The following CHST9 variants were observed in gnomAD, a reference collection of about 807,000 sequenced individuals.
CHST9 encodes carbohydrate sulfotransferase 9, also known as GalNAc-4-sulfotransferase 2.
CHST9 carries 41 observed loss-of-function variants against 44.4 expected under a neutral mutation model. The observed-to-expected ratio is 0.92, with a 90% CI of 0.72 to 1.20. CHST9 has a LOEUF of 1.20. CHST9 is among the 50% of genes most tolerant of loss of function. The pLI, the probability that CHST9 is intolerant of heterozygous loss-of-function variation, is 0.00. For missense variants in CHST9, 504 were observed against 516.5 expected (o/e 0.98, Z 0.23); for synonymous variants, 171 against 178.4 (o/e 0.96, Z 0.33).
At chr18:27,028,018 C>T (rs982648503) in intron 3 of CHST9, among the ~76,000 whole-genome samples, 6 of 152,264 alleles carry the variant, frequency 3.9e-5, no homozygotes, top group South Asian at 2.1e-4. Flanking sequence ...TGGGTTCAAG[C>T]GATTCTCCTG....
At chr18:27,159,284 T>G (rs1373072171) in intron 1 of CHST9, among the ~76,000 whole-genome samples, 1 of 152,232 alleles carries the variant, frequency 6.6e-6, no homozygotes, top group Non-Finnish European at 1.5e-5. Flanking sequence ...TTAATTTTTG[T>G]ATAAGGTATA....
At chr18:26,945,256 T>C (rs888256008) in intron 4 of CHST9, among the ~76,000 whole-genome samples, 9 of 152,184 alleles carry the variant, frequency 5.9e-5, no homozygotes, top group African/African-American at 2.2e-4. Flanking sequence ...TTGTAAGAAA[T>C]AATGCAGAGA....
In CHST9 at chr18:26,916,842, T is replaced by C; in HGVS notation, c.749A>G (p.His250Arg). Reference sequence around the variant, plus strand: ...TAGCTTCTTCAAATGCTTCCCGTAGTGGACAGCATTGTGGGAGATGTTGTA... The same window carrying C: ...TAGCTTCTTCAAATGCTTCCCGTAGCGGACAGCATTGTGGGAGATGTTGTA... ...SAYNISHNAV[H>R]YGKHLKKLDS... Residue 250 changes from histidine (H) to arginine (R), a missense_variant, in exon 6 of 6, where the codon CAC (histidine) becomes CGC (arginine). Transcript: ENST00000618847. 6.2e-7 allele frequency: 1 copy of C among 1,613,952 alleles called. No individual in the cohort carries two copies. The highest frequency in any genetic ancestry group is 1.1e-5 in the South Asian group (1 of 91,078).
intron 2 of CHST9, among the ~76,000 whole-genome samples, chr18:27,061,534 CT>C (rs1186028464): frequency 1.3e-5 from 2 of 152,250 alleles, no homozygotes; most frequent in East Asian, 3.9e-4. Flanking sequence ...GCATCCACAC[CT>C]TTCCTAGACC....
chr18:27,060,043 T>C (rs2057703092), intron 2 of CHST9, among the ~76,000 whole-genome samples: 1 of 152,220 alleles, frequency 6.6e-6, no homozygotes, highest in African/African-American at 2.4e-5. Context: ...GTTAATTGTC[T>C]AGTTCATTTT....
intron 2 of CHST9, among the ~76,000 whole-genome samples, chr18:27,119,806 C>A (rs1025471989): frequency 2.0e-5 from 3 of 152,058 alleles, no homozygotes; most frequent in Non-Finnish European, 4.4e-5. Flanking sequence ...TTAAAAGAGT[C>A]TTTTCATTCA....
chr18:27,148,827 C>A (rs1241306169), intron 1 of CHST9, among the ~76,000 whole-genome samples: 1 of 138,232 alleles, frequency 7.2e-6, no homozygotes, highest in African/African-American at 2.6e-5. Context: ...CCTGAGGAAT[C>A]GCCACACTGA....
intron 4 of CHST9, among the ~76,000 whole-genome samples, chr18:26,995,756 A>G (rs1030314249): frequency 2.6e-5 from 4 of 152,218 alleles, no homozygotes; most frequent in African/African-American, 9.6e-5. Flanking sequence ...CTAGGATGAA[A>G]GTTTTCAACA....
At chr18:27,053,269 A>AAGAAGAAGAAGAG (rs1568151239) in intron 2 of CHST9, among the ~76,000 whole-genome samples, 3 of 114,282 alleles carry the variant, frequency 2.6e-5, no homozygotes, top group African/African-American at 1.0e-4. Context: ...AAGGAGAAGG[A>AAGAAGAAGAAGAG]GAAGGAGAAG....
rs573640862 is a variant in CHST9, at chr18:26,992,229, A to G, written c.202+31887T>C. Among the ~76,000 whole-genome samples the G allele has an allele frequency of 1.2e-4, 15 of 127,040 alleles. 2 individuals are homozygous for G. Among genetic ancestry groups the G allele is most frequent in the Non-Finnish European group, 2.3e-4 (13 of 55,692 alleles). 83.3% of individuals were successfully genotyped at this position (127,040 alleles called of 152,430 possible). ...ATGCCTCAGCCCCTCACTCTGAATTAGAAGCGAGTGACATGAAGAACAAAT... is the reference window on the plus strand; with the variant it reads ...ATGCCTCAGCCCCTCACTCTGAATTGGAAGCGAGTGACATGAAGAACAAAT... On this transcript the variant is annotated intron_variant, in intron 4 of 5. Coordinates refer to ENST00000618847, the MANE Select transcript of CHST9 (RefSeq NM_031422.6).
intron 5 of CHST9, chr18:26,936,540 C>A (rs2055996049): frequency 6.6e-6 from 1 of 152,078 alleles, no homozygotes; most frequent in African/African-American, 2.4e-5. Flanking sequence ...TGATGAGTTA[C>A]TCAATACTGA....
intron 2 of CHST9, among the ~76,000 whole-genome samples, chr18:27,111,635 T>A (rs1454135253): frequency 5.3e-5 from 8 of 152,224 alleles, no homozygotes; most frequent in Non-Finnish European, 8.8e-5. Flanking sequence ...TTGCTGTCTG[T>A]GATGATTAAG....
At chr18:27,148,224 C>A (rs1038872253) in intron 1 of CHST9, among the ~76,000 whole-genome samples, 1 of 151,954 alleles carries the variant, frequency 6.6e-6, no homozygotes, top group Non-Finnish European at 1.5e-5. Context: ...CATAGTATTC[C>A]ATGGTATAGA....
intron 2 of CHST9, among the ~76,000 whole-genome samples, chr18:27,093,568 T>A (rs540715992): frequency 1.3e-5 from 2 of 152,192 alleles, no homozygotes; most frequent in African/African-American, 4.8e-5. Flanking sequence ...TGGGAGAGAA[T>A]CACGTTGTCT....
At chr18:26,934,940 GT>G (rs1159950913) in intron 5 of CHST9, 2 of 152,162 alleles carry the variant, frequency 1.3e-5, no homozygotes, top group Non-Finnish European at 2.9e-5. Flanking sequence ...AGTGTTTCAG[GT>G]TTTTAGTTTT....
chr18:27,160,798 G>T (rs576819216), intron 1 of CHST9, among the ~76,000 whole-genome samples: 300 of 152,058 alleles, frequency 2.0e-3, no homozygotes, highest in Middle Eastern at 3.4e-3. Context: ...GCCTGTTATT[G>T]GTCTATTCAG....
At chr18:27,100,319 T>C (rs6508471) in intron 2 of CHST9, among the ~76,000 whole-genome samples, 146,048 of 152,226 alleles carry the variant, frequency 0.96, 70,116 homozygotes, top group East Asian at 1. Context: ...ATGCTCAGTA[T>C]CTGGGTGATG....
chr18:27,042,807 C>G (rs1193390262), intron 3 of CHST9, among the ~76,000 whole-genome samples: 1 of 151,700 alleles, frequency 6.6e-6, no homozygotes, highest in Non-Finnish European at 1.5e-5. Context: ...CCCTCTCTCT[C>G]TCTTTTATAT....
At chr18:26,933,591 A>C (rs2055919948) in intron 5 of CHST9, 1 of 153,766 alleles carries the variant, frequency 6.5e-6, no homozygotes, top group South Asian at 2.1e-4. Flanking sequence ...GATTTTGCTT[A>C]AACACATTTT....
Sources: allele counts gnomAD v4.1 joint callset (sites outside exome capture counted in the v4.1 genomes callset), GRCh38; gene constraint gnomAD v4.1.1; transcripts MANE v1.5; gene names NCBI Gene and HGNC (gene_info 2026-07-23, HGNC 2026-07-21).